Variants in NXPE2 observed in about 807,000 individuals in gnomAD.
NXPE2 encodes the protein neurexophilin and PC-esterase domain family member 2.
A neutral mutation model predicts 34.4 loss-of-function variants in NXPE2; 34 were observed. The ratio of observed to expected loss-of-function variants is 0.99; its 90% CI spans 0.75 to 1.31. The LOEUF (loss-of-function observed/expected upper bound fraction) is 1.31. NXPE2 is among the 40% of genes most tolerant of loss of function. The pLI, the probability that NXPE2 is intolerant of heterozygous loss-of-function variation, is 0.00. For missense variants in NXPE2, 649 were observed against 672.5 expected (o/e 0.97, Z 0.39); for synonymous variants, 235 against 231.3 (o/e 1.02, Z -0.15).
chr11:114,592,324 A>G, the NXPE2 span, among the ~76,000 whole-genome samples: 2 of 152,158 alleles, frequency 1.3e-5, no homozygotes, highest in African/African-American at 4.8e-5. Context: ...AACTCAGTAA[A>G]GTTGCAGGAT....
At chr11:114,541,033 G>C in the NXPE2 span, among the ~76,000 whole-genome samples, 1 of 151,742 alleles carries the variant, frequency 6.6e-6, no homozygotes, top group Non-Finnish European at 1.5e-5. Flanking sequence ...GCACACCTGT[G>C]GGGTAGACCC....
intron 2 of NXPE2, among the ~76,000 whole-genome samples, chr11:114,692,153 G>T (rs1951165399): frequency 6.6e-6 from 1 of 152,186 alleles, no homozygotes; most frequent in Non-Finnish European, 1.5e-5. Flanking sequence ...TAAAATGTCT[G>T]CTGTGGTCAC....
the NXPE2 span, among the ~76,000 whole-genome samples, chr11:114,566,768 A>G: frequency 5.3e-5 from 8 of 152,162 alleles, no homozygotes; most frequent in African/African-American, 7.2e-5. Flanking sequence ...TTTACATTCT[A>G]TATACCCACA....
the NXPE2 span, among the ~76,000 whole-genome samples, chr11:114,645,934 A>G: frequency 6.6e-6 from 1 of 152,096 alleles, no homozygotes; most frequent in African/African-American, 2.4e-5. Context: ...TTGGCAGAAA[A>G]TTTTGGCAAC....
the NXPE2 span, among the ~76,000 whole-genome samples, chr11:114,769,109 G>T: frequency 1.2e-4 from 18 of 150,858 alleles, no homozygotes; most frequent in Non-Finnish European, 2.2e-4. Flanking sequence ...AAACAAATTT[G>T]CAAGAAAAAA....
At chr11:114,483,944 C>G in the NXPE2 span, among the ~76,000 whole-genome samples, 2 of 152,168 alleles carry the variant, frequency 1.3e-5, no homozygotes, top group African/African-American at 4.8e-5. Flanking sequence ...GCTACCTCAC[C>G]TTTGAGTGTC....
chr11:114,729,013 T>A, the NXPE2 span, among the ~76,000 whole-genome samples: 652 of 152,272 alleles, frequency 4.3e-3, 3 homozygotes, highest in Non-Finnish European at 7.4e-3. Flanking sequence ...GGGATATGAT[T>A]TATCCCATCA....
chr11:114,805,016 G>C, the NXPE2 span, among the ~76,000 whole-genome samples: 2 of 151,950 alleles, frequency 1.3e-5, no homozygotes, highest in Non-Finnish European at 2.9e-5. Flanking sequence ...TTCTTCTTTG[G>C]AGTGGGGGTC....
the NXPE2 span, among the ~76,000 whole-genome samples, chr11:114,663,682 CTA>C: frequency 8.2e-4 from 107 of 130,486 alleles, no homozygotes; most frequent in African/African-American, 3.3e-3. Context: ...ATCTATTTAT[CTA>C]TCTATCTATC....
chr11:114,547,925 C>A, the NXPE2 span, among the ~76,000 whole-genome samples: 1 of 151,890 alleles, frequency 6.6e-6, no homozygotes, highest in Non-Finnish European at 1.5e-5. Context: ...AGAAGAACTT[C>A]CTGTAATATT....
the NXPE2 span, among the ~76,000 whole-genome samples, chr11:114,801,661 T>TCCAGTTAG: frequency 6.6e-6 from 1 of 151,772 alleles, no homozygotes; most frequent in African/African-American, 2.4e-5. Context: ...GACCAGGATG[T>TCCAGTTAG]GAAGAAAAGG....
chr11:114,686,035 A>G (rs752451421), intron 2 of NXPE2, among the ~76,000 whole-genome samples: 2 of 152,138 alleles, frequency 1.3e-5, no homozygotes, highest in Non-Finnish European at 2.9e-5. Context: ...ATATTTTGCT[A>G]GTTTTGCAAG....
the NXPE2 span, among the ~76,000 whole-genome samples, chr11:114,561,576 T>C: frequency 6.6e-6 from 1 of 152,202 alleles, no homozygotes; most frequent in Non-Finnish European, 1.5e-5. Context: ...CCTAAATAGA[T>C]GATAAATTTA....
chr11:114,570,674 T>C, the NXPE2 span: 1 of 273,180 alleles, frequency 3.7e-6, no homozygotes, highest in African/African-American at 2.2e-5. Context: ...CATAGGTGTC[T>C]TGACTTCCCA....
the NXPE2 span, among the ~76,000 whole-genome samples, chr11:114,794,949 C>G: frequency 6.6e-6 from 1 of 150,904 alleles, no homozygotes; most frequent in Non-Finnish European, 1.5e-5. Context: ...CCTTCCAACT[C>G]ACAGAATAGT....
chr11:114,601,009 G>A, the NXPE2 span, among the ~76,000 whole-genome samples: 4 of 151,940 alleles, frequency 2.6e-5, no homozygotes, highest in Admixed American at 2.0e-4. Flanking sequence ...ACAGGTTGAT[G>A]CTGCCACTTG....
the NXPE2 span, chr11:114,517,744 T>C: frequency 4.6e-5 from 7 of 152,022 alleles, no homozygotes; most frequent in Non-Finnish European, 8.8e-5. Context: ...AAACCAGAGG[T>C]TGGGGGTCAG....
the NXPE2 span, among the ~76,000 whole-genome samples, chr11:114,637,063 T>A: frequency 2.0e-5 from 3 of 151,912 alleles, no homozygotes; most frequent in African/African-American, 7.2e-5. Flanking sequence ...GACAGTGGGG[T>A]GTTAAAGTCT....
At chr11:114,664,920 G>C in the NXPE2 span, among the ~76,000 whole-genome samples, 15,358 of 152,132 alleles carry the variant, frequency 0.1, 987 homozygotes, top group African/African-American at 0.18. Context: ...TAAGTGTTCA[G>C]AGCACATTTA....
Sources: gnomAD v4.1 joint callset for allele counts (sites outside exome capture counted in the v4.1 genomes callset) on GRCh38, gnomAD v4.1.1 for gene constraint, MANE v1.5 for transcripts, NCBI Gene and HGNC (gene_info 2026-07-23, HGNC 2026-07-21) for gene names.